LINGO2: variants seen among roughly 807,000 people sequenced by gnomAD.
LINGO2 encodes the protein leucine-rich repeat and immunoglobulin-like domain-containing nogo receptor-interacting protein 2.
Under a neutral mutation model 30.6 loss-of-function variants are expected in LINGO2, and 14 were observed. That is an observed-to-expected ratio of 0.46 (90% CI 0.30 to 0.72). LINGO2 has a LOEUF of 0.72. LINGO2 is among the 30% of genes least tolerant of loss of function. LINGO2 has a pLI of 0.07. For synonymous variants in LINGO2, 317 were observed against 288.5 expected, an observed-to-expected ratio of 1.10 and a Z score of -1.00; for missense variants, 729 against 751.7, an observed-to-expected ratio of 0.97 and a Z score of 0.35.
chr9:28,590,476 C>A (rs1824823986), intron 1 of LINGO2, among the ~76,000 whole-genome samples: 1 of 151,574 alleles, frequency 6.6e-6, no homozygotes, highest in East Asian at 1.9e-4. Context: ...AAACAGACAA[C>A]CCCATCAAAA....
At chr9:28,418,818 A>G (rs554385305) in intron 2 of LINGO2, among the ~76,000 whole-genome samples, 1 of 152,010 alleles carries the variant, frequency 6.6e-6, no homozygotes, top group African/African-American at 2.4e-5. Context: ...CTGTTTCAAC[A>G]TTTAACATAA....
chr9:28,976,775 A>AT, the LINGO2 span, among the ~76,000 whole-genome samples: 1 of 152,044 alleles, frequency 6.6e-6, no homozygotes, highest in African/African-American at 2.4e-5. Flanking sequence ...AGCCTGCATC[A>AT]TTAAAAAAAA....
At chr9:27,986,240 A>T (rs1349186759) in intron 5 of LINGO2, among the ~76,000 whole-genome samples, 1 of 151,470 alleles carries the variant, frequency 6.6e-6, no homozygotes, top group Non-Finnish European at 1.5e-5. Flanking sequence ...CAGTGACCAC[A>T]TTCCCCAACT....
At chr9:28,256,643 G>A (rs1302477892) in intron 4 of LINGO2, among the ~76,000 whole-genome samples, 1 of 151,690 alleles carries the variant, frequency 6.6e-6, no homozygotes, top group East Asian at 1.9e-4. Context: ...TATGAGAGTG[G>A]GAAAAGAACA....
At chr9:27,943,971 A>C (rs1451094299), downstream of LINGO2, 1 of 152,238 alleles carries the variant, frequency 6.6e-6, no homozygotes, top group African/African-American at 2.4e-5. Context: ...TCTGGGGCAC[A>C]TGCAAGCTTG....
At chr9:28,815,754 A>G in the LINGO2 span, among the ~76,000 whole-genome samples, 6 of 152,132 alleles carry the variant, frequency 3.9e-5, no homozygotes, top group African/African-American at 1.2e-4. Context: ...GCACTCTTCT[A>G]TAAGACTTGT....
the LINGO2 span, among the ~76,000 whole-genome samples, chr9:28,760,607 C>A: frequency 6.6e-6 from 1 of 151,950 alleles, no homozygotes; most frequent in South Asian, 2.1e-4. Context: ...ACCCATCACC[C>A]CAGCAGTGTA....
chr9:28,860,086 T>G, the LINGO2 span, among the ~76,000 whole-genome samples: 1 of 152,072 alleles, frequency 6.6e-6, no homozygotes, highest in African/African-American at 2.4e-5. Context: ...ATTTTAAATT[T>G]CACATTCCCA....
At chr9:29,170,595 AAAAAAG>A in the LINGO2 span, among the ~76,000 whole-genome samples, 1 of 152,126 alleles carries the variant, frequency 6.6e-6, no homozygotes, top group Non-Finnish European at 1.5e-5. Context: ...ATAAAAATTA[AAAAAAG>A]AAAAAGAATA....
chr9:28,395,217 T>C (rs756116710), intron 2 of LINGO2, among the ~76,000 whole-genome samples: 13 of 152,150 alleles, frequency 8.5e-5, no homozygotes, highest in South Asian at 2.1e-4. Context: ...GTAAGCTCTA[T>C]GATCATAAAA....
At chr9:29,038,413 T>C in the LINGO2 span, among the ~76,000 whole-genome samples, 1 of 152,066 alleles carries the variant, frequency 6.6e-6, no homozygotes, top group Non-Finnish European at 1.5e-5. Context: ...GTGGGACTAT[T>C]TTCTTACACT....
At chr9:29,070,257 C>T in the LINGO2 span, among the ~76,000 whole-genome samples, 1 of 152,034 alleles carries the variant, frequency 6.6e-6, no homozygotes, top group African/African-American at 2.4e-5. Context: ...TAGCTTTAAC[C>T]ATCACTCTAC....
At chr9:28,809,993 A>G in the LINGO2 span, among the ~76,000 whole-genome samples, 1 of 152,070 alleles carries the variant, frequency 6.6e-6, no homozygotes, top group East Asian at 1.9e-4. Flanking sequence ...ATTGTTGTTC[A>G]TTGTCTACCT....
the LINGO2 span, among the ~76,000 whole-genome samples, chr9:29,007,241 T>A: frequency 6.6e-6 from 1 of 152,080 alleles, no homozygotes; most frequent in Non-Finnish European, 1.5e-5. Flanking sequence ...ATATATAGTT[T>A]TACTACTCCC....
intron 4 of LINGO2, among the ~76,000 whole-genome samples, chr9:28,047,118 A>G (rs1486275278): frequency 6.6e-6 from 1 of 152,150 alleles, no homozygotes; most frequent in Non-Finnish European, 1.5e-5. Context: ...GTGGCTTAAC[A>G]TGTGGTCAGT....
chr9:29,097,170 A>G, the LINGO2 span, among the ~76,000 whole-genome samples: 4 of 138,794 alleles, frequency 2.9e-5, 1 homozygote, highest in Middle Eastern at 0.02. Context: ...AAGTTTATAC[A>G]CATTCTAAAT....
the LINGO2 span, among the ~76,000 whole-genome samples, chr9:28,750,531 C>T: frequency 4.6e-5 from 7 of 152,192 alleles, no homozygotes; most frequent in Non-Finnish European, 8.8e-5. Context: ...TGCAAATCTT[C>T]AGAACTGCTT....
At chr9:28,611,370 T>A (rs1383924919) in intron 1 of LINGO2, among the ~76,000 whole-genome samples, 2 of 150,366 alleles carry the variant, frequency 1.3e-5, no homozygotes, top group Non-Finnish European at 3.0e-5. Context: ...TGTGTGTGTG[T>A]GAGATGTGAG....
At chr9:28,447,144 C>T in intron 2 of LINGO2, among the ~76,000 whole-genome samples, 1 of 152,180 alleles carries the variant, frequency 6.6e-6, no homozygotes, top group Middle Eastern at 3.2e-3. Context: ...TGATATCTAT[C>T]CCCATATGAC....
Sources: gnomAD v4.1 joint callset for allele counts (sites outside exome capture counted in the v4.1 genomes callset) on GRCh38, gnomAD v4.1.1 for gene constraint, MANE v1.5 for transcripts, NCBI Gene and HGNC (gene_info 2026-07-23, HGNC 2026-07-21) for gene names.